The following RASAL2 variants were observed in gnomAD, a reference collection of about 807,000 sequenced individuals.
RASAL2 encodes RAS protein activator like 2, also known as ras GTPase-activating protein nGAP.
A neutral mutation model predicts 128.9 loss-of-function variants in RASAL2; 58 were observed. The ratio of observed to expected loss-of-function variants is 0.45; its 90% CI spans 0.36 to 0.56. The LOEUF (loss-of-function observed/expected upper bound fraction) is 0.56. RASAL2 is among the 20% of genes least tolerant of loss of function. The probability of loss-of-function intolerance (pLI) is 0.00; values close to 1 mark genes in which losing one functional copy is unlikely to be tolerated. For synonymous variants in RASAL2, 561 were observed against 580.8 expected (o/e 0.97, Z 0.49); for missense variants, 1,360 against 1,601.6 (o/e 0.85, Z 2.57).
chr1:178,364,224 A>T (rs1056143109), intron 3 of RASAL2, among the ~76,000 whole-genome samples: 1 of 152,124 alleles, frequency 6.6e-6, no homozygotes, highest in African/African-American at 2.4e-5. Flanking sequence ...AAAGAGTTTT[A>T]CTTCTCATTA....
At chr1:178,421,648 T>A (rs952117626) in intron 5 of RASAL2, among the ~76,000 whole-genome samples, 9 of 152,066 alleles carry the variant, frequency 5.9e-5, no homozygotes, top group African/African-American at 2.2e-4. Flanking sequence ...TTATTTATGT[T>A]TTACTTTTTT....
At chr1:178,123,087 G>T (rs1330917545) in intron 1 of RASAL2, 2 of 152,150 alleles carry the variant, frequency 1.3e-5, no homozygotes, top group African/African-American at 4.8e-5. Flanking sequence ...TGGAATGCTT[G>T]TTAAAAATTC....
intron 1 of RASAL2, among the ~76,000 whole-genome samples, chr1:178,266,272 T>G (rs1665948049): frequency 6.6e-6 from 1 of 152,224 alleles, no homozygotes; most frequent in Non-Finnish European, 1.5e-5. Context: ...GCCATTCTAG[T>G]GGGTATGTAG....
At position 178,477,061 on chromosome 1, in the gene RASAL2, A is replaced by G. The variant is rs1264237622; in HGVS notation, c.*3822A>G. The G allele has an allele frequency of 2.0e-5, 3 of 152,654 alleles. No individual in the cohort carries two copies. Among genetic ancestry groups the G allele is most frequent in the African/African-American group, 4.8e-5 (2 of 41,410 alleles). 9.5% of individuals were successfully genotyped at this position (152,654 alleles called of 1,614,324 possible). On this transcript the variant is annotated 3_prime_UTR_variant, in exon 18 of 18. Transcript: ENST00000367649. Reference sequence around the variant, plus strand: ...ACACACACGCTTGACACCAGACTAGACTTGTCACAGGGCCAAACCCAACAG... The same window carrying G: ...ACACACACGCTTGACACCAGACTAGGCTTGTCACAGGGCCAAACCCAACAG...
At chr1:178,218,825 A>G (rs569312592) in intron 1 of RASAL2, among the ~76,000 whole-genome samples, 1 of 152,382 alleles carries the variant, frequency 6.6e-6, no homozygotes, top group South Asian at 2.1e-4. Flanking sequence ...GAAAATGAGC[A>G]TTGGCTTCAA....
At chr1:178,225,861 T>G (rs1467706207) in intron 1 of RASAL2, among the ~76,000 whole-genome samples, 1 of 152,142 alleles carries the variant, frequency 6.6e-6, no homozygotes, top group Non-Finnish European at 1.5e-5. Context: ...TTTCTTTATG[T>G]GCTATAGATA....
At chr1:178,210,653 A>T (rs1321389826) in intron 1 of RASAL2, among the ~76,000 whole-genome samples, 6 of 152,238 alleles carry the variant, frequency 3.9e-5, no homozygotes, top group African/African-American at 1.4e-4. Flanking sequence ...GATATAACAT[A>T]GTATTATGGT....
At chr1:178,341,887 C>T (rs926130768) in intron 3 of RASAL2, among the ~76,000 whole-genome samples, 2 of 152,102 alleles carry the variant, frequency 1.3e-5, no homozygotes, top group Admixed American at 6.6e-5. Flanking sequence ...GCAGCATGTA[C>T]TTGTTCTGTT....
chr1:178,326,685 C>A (rs1365470770), intron 3 of RASAL2, among the ~76,000 whole-genome samples: 2 of 152,140 alleles, frequency 1.3e-5, no homozygotes, highest in African/African-American at 4.8e-5. Flanking sequence ...GCTGGGATTA[C>A]AGGCATGTGC....
At chr1:178,269,718 C>A (rs1057049607) in intron 1 of RASAL2, among the ~76,000 whole-genome samples, 2 of 152,156 alleles carry the variant, frequency 1.3e-5, no homozygotes, top group Non-Finnish European at 2.9e-5. Flanking sequence ...AATAATCTAC[C>A]CCTTGTTTAG....
chr1:178,244,121 T>C (rs944143882), intron 1 of RASAL2, among the ~76,000 whole-genome samples: 3 of 152,356 alleles, frequency 2.0e-5, no homozygotes, highest in Non-Finnish European at 2.9e-5. Context: ...TTTGCACTTA[T>C]ACAGTATTCA....
chr1:178,288,725 ACTGCAAT>A (rs1213896801), intron 2 of RASAL2, among the ~76,000 whole-genome samples: 1 of 130,278 alleles, frequency 7.7e-6, no homozygotes, highest in Non-Finnish European at 1.5e-5. Context: ...ATCTCAGCTC[ACTGCAAT>A]CTCCGCCTCC....
chr1:178,346,777 T>C (rs1670178869), intron 3 of RASAL2, among the ~76,000 whole-genome samples: 1 of 152,164 alleles, frequency 6.6e-6, no homozygotes, highest in South Asian at 2.1e-4. Context: ...ACCAAAAATA[T>C]AGTATAAAGA....
In RASAL2 at chr1:178,313,785, A is replaced by G. The variant is rs934036139; in HGVS notation, c.457+13667A>G. ...AATTAGCTAAGTCTTTTCTCATTCT[A>G]TAGTCACTTGTAGTAAGATATTAAG... is the stretch of plus-strand genomic sequence containing the variant. On this transcript the variant is annotated intron_variant, in intron 3 of 17. Transcript: ENST00000367649. Among the ~76,000 whole-genome samples, 64 of 152,196 alleles carry G rather than the reference A, an allele frequency of 4.2e-4. 1 individual carries two copies. The highest frequency in any genetic ancestry group is 6.2e-4 in the Non-Finnish European group (42 of 68,036).
chr1:178,118,441 G>A (rs1659594225), intron 1 of RASAL2, among the ~76,000 whole-genome samples: 1 of 152,154 alleles, frequency 6.6e-6, no homozygotes, highest in South Asian at 2.1e-4. Flanking sequence ...GGTCTCATCT[G>A]GGGGTGATGG....
intron 1 of RASAL2, among the ~76,000 whole-genome samples, chr1:178,271,379 ATTTATC>A (rs1666251485): frequency 6.6e-6 from 1 of 152,172 alleles, no homozygotes; most frequent in African/African-American, 2.4e-5. Context: ...CCGTATATAA[ATTTATC>A]TTTACTGTAG....
At chr1:178,346,734 A>T (rs867895389) in intron 3 of RASAL2, among the ~76,000 whole-genome samples, 11 of 152,190 alleles carry the variant, frequency 7.2e-5, no homozygotes, top group Middle Eastern at 3.2e-3. Flanking sequence ...TTCTCTTCTC[A>T]TCTCTGAGAA....
At chr1:178,207,325 T>A (rs1396858270) in intron 1 of RASAL2, among the ~76,000 whole-genome samples, 1 of 152,130 alleles carries the variant, frequency 6.6e-6, no homozygotes, top group African/African-American at 2.4e-5. Flanking sequence ...ATCTGCAGAT[T>A]CAACCAACCA....
chr1:178,223,254 C>T (rs72705093), intron 1 of RASAL2, among the ~76,000 whole-genome samples: 99 of 152,158 alleles, frequency 6.5e-4, no homozygotes, highest in Non-Finnish European at 1.2e-3. Flanking sequence ...GATAATTTCA[C>T]GAGGAAATAT....
Sources: allele counts gnomAD v4.1 joint callset (sites outside exome capture counted in the v4.1 genomes callset), GRCh38; gene constraint gnomAD v4.1.1; transcripts MANE v1.5; gene names NCBI Gene and HGNC (gene_info 2026-07-23, HGNC 2026-07-21).